Variants in NXN observed in about 807,000 individuals in gnomAD.
NXN encodes nucleoredoxin 1.
Under a neutral mutation model 48.6 loss-of-function variants are expected in NXN, and 16 were observed. That is an observed-to-expected ratio of 0.33 (90% CI 0.22 to 0.50). The LOEUF (loss-of-function observed/expected upper bound fraction) is 0.50. NXN is among the 20% of genes least tolerant of loss of function. The pLI, the probability that NXN is intolerant of heterozygous loss-of-function variation, is 0.98. For synonymous variants in NXN, 281 were observed against 269.6 expected, an observed-to-expected ratio of 1.04 and a Z score of -0.41; for missense variants, 492 against 605.5, an observed-to-expected ratio of 0.81 and a Z score of 1.97.
chr17:928,497 C>A (rs547538467), intron 1 of NXN, among the ~76,000 whole-genome samples: 1 of 152,148 alleles, frequency 6.6e-6, no homozygotes, highest in East Asian at 1.9e-4. Flanking sequence ...TAAAAAGATC[C>A]ATTCTGGCTG....
intron 1 of NXN, among the ~76,000 whole-genome samples, chr17:884,033 A>G (rs2144844675): frequency 6.6e-6 from 1 of 152,218 alleles, no homozygotes; most frequent in East Asian, 1.9e-4. Context: ...CCTGGCTAAC[A>G]TGGTGAAACC....
At chr17:909,629 C>T (rs192521877) in intron 1 of NXN, 1 of 151,250 alleles carries the variant, frequency 6.6e-6, no homozygotes, top group African/African-American at 2.4e-5. Context: ...ACCTCTGCCT[C>T]CCGGGTTCAC....
chr17:965,926 C>G (rs979430884), intron 1 of NXN, among the ~76,000 whole-genome samples: 1 of 152,084 alleles, frequency 6.6e-6, no homozygotes, highest in East Asian at 1.9e-4. Flanking sequence ...ACCAGCCTGA[C>G]CAACATGGTG....
chr17:865,009 G>T (rs992515578), intron 1 of NXN, among the ~76,000 whole-genome samples: 2 of 152,152 alleles, frequency 1.3e-5, no homozygotes, highest in South Asian at 4.1e-4. Context: ...CTAGAACCAC[G>T]CCTGGTTTAT....
In NXN at chr17:871,399, CTTTTT is replaced by C. The variant is rs11345310; in HGVS notation, c.361-45326_361-45322del. On this transcript the variant is annotated intron_variant, in intron 1 of 7. Coordinates refer to ENST00000336868, the MANE Select transcript of NXN (RefSeq NM_022463.5). ...TGATAAATCGCAGCATACGCATTCACTTTTTTTTTTTTTTTTTTTTTTTGAGATGG... is the reference window on the plus strand; with the variant it reads ...TGATAAATCGCAGCATACGCATTCACTTTTTTTTTTTTTTTTTTGAGATGG... Among the ~76,000 whole-genome samples the C allele has an allele frequency of 5.9e-5, 6 of 101,704 alleles. No individual in the cohort carries two copies. The South Asian group carries it at 1.0e-3, about 18-fold the overall frequency. The allele number at this position is 101,704 out of a possible 152,430, so 66.7% of individuals were successfully genotyped here. A position where few individuals can be genotyped will look rare whatever the true frequency, so the allele number is the denominator to read the frequency against.
At chr17:909,111 AAAAAAAAAAAAAAAAAC>A (rs1567858302) in intron 1 of NXN, among the ~76,000 whole-genome samples, 1 of 33,796 alleles carries the variant, frequency 3.0e-5, no homozygotes. Flanking sequence ...AAAAAAAAAA[AAAAAAAAAAAAAAAAAC>A]ACTCCCTGCC....
intron 1 of NXN, among the ~76,000 whole-genome samples, chr17:911,409 G>A (rs545611108): frequency 1.3e-4 from 19 of 142,152 alleles, no homozygotes; most frequent in Admixed American, 1.0e-3. Context: ...GCGCGATCTC[G>A]GCTTGCTGCA....
At chr17:864,579 G>GCTTT (rs2068078297) in intron 1 of NXN, among the ~76,000 whole-genome samples, 2 of 152,184 alleles carry the variant, frequency 1.3e-5, no homozygotes, top group Admixed American at 6.5e-5. Context: ...TGAGTGTGAG[G>GCTTT]CTTTGCAGGA....
rs193289833 is a variant in NXN, at chr17:844,286, G to A, written c.361-18208C>T. 1.1e-3 allele frequency among the ~76,000 whole-genome samples: 152 copies of A among 144,618 alleles called. 1 individual carries two copies. The highest frequency in any genetic ancestry group is 7.6e-4 in the Non-Finnish European group (51 of 67,268). 94.9% of individuals were successfully genotyped at this position (144,618 alleles called of 152,430 possible). A position where few individuals can be genotyped will look rare whatever the true frequency, so the allele number is the denominator to read the frequency against. On this transcript the variant is annotated intron_variant, in intron 1 of 7. Transcript: ENST00000336868. ...CACCCATCCTTAGCTGGAAGGTGGC[G>A]GCCAGGCCATCACACGTCCCGTCCT...
intron 6 of NXN, 132 bp downstream of exon 6, chr17:804,936 G>C: frequency 1.0e-6 from 1 of 967,730 alleles, no homozygotes; most frequent in Non-Finnish European, 1.6e-6. Context: ...CAAGGCTTCA[G>C]GGAGAGACAA....
intron 1 of NXN, among the ~76,000 whole-genome samples, chr17:858,416 G>A (rs939712857): frequency 6.6e-6 from 1 of 152,088 alleles, no homozygotes; most frequent in African/African-American, 2.4e-5. Context: ...GGTGATACTG[G>A]ACGGCTGAGC....
In NXN at chr17:833,336, G is replaced by A. The variant is rs1475519113; in HGVS notation, c.361-7258C>T. On this transcript the variant is annotated intron_variant, in intron 1 of 7. Transcript: ENST00000336868. Reference sequence around the variant, plus strand: ...GGCTCTGAAACAATGTGGTCTGCACGGGAGTCACCATTCCGAAAAACACAC... The same window carrying A: ...GGCTCTGAAACAATGTGGTCTGCACAGGAGTCACCATTCCGAAAAACACAC... Among the ~76,000 whole-genome samples the A allele has an allele frequency of 5.9e-5, 9 of 152,214 alleles. No homozygotes were observed. The East Asian group carries it at 1.2e-3, about 20-fold the overall frequency.
chr17:892,138 C>T (rs994383538), intron 1 of NXN, among the ~76,000 whole-genome samples: 1 of 151,200 alleles, frequency 6.6e-6, no homozygotes, highest in South Asian at 2.1e-4. Flanking sequence ...AAGCTAACCC[C>T]ACCATGCACA....
At chr17:860,554 C>G (rs1366294893) in intron 1 of NXN, among the ~76,000 whole-genome samples, 1 of 56,524 alleles carries the variant, frequency 1.8e-5, no homozygotes, top group African/African-American at 7.4e-5. Flanking sequence ...CCACCGCGCC[C>G]GGCTAATTTT....
intron 1 of NXN, among the ~76,000 whole-genome samples, chr17:828,288 G>T (rs1597637192): frequency 6.6e-6 from 1 of 151,640 alleles, no homozygotes; most frequent in South Asian, 2.1e-4. Flanking sequence ...ATTTTTAGTA[G>T]AGACGGGGTT....
intron 2 of NXN, among the ~76,000 whole-genome samples, chr17:824,458 G>A (rs111865759): frequency 3.7e-4 from 57 of 152,270 alleles, no homozygotes; most frequent in African/African-American, 1.2e-3. Flanking sequence ...CAGAACTGAC[G>A]AGGGACTCGG....
At chr17:805,024 G>A (rs183442140) in intron 6 of NXN, 44 bp downstream of exon 6, 36 of 1,380,686 alleles carry the variant, frequency 2.6e-5, no homozygotes, top group Non-Finnish European at 2.9e-5. Context: ...CTCCTGTCCC[G>A]CCCCCCAGCC....
At chr17:909,714 T>A (rs1345991778) in intron 1 of NXN, 1 of 151,374 alleles carries the variant, frequency 6.6e-6, no homozygotes, top group Admixed American at 6.6e-5. Context: ...TAATTTTTTT[T>A]ATTTTTAGTA....
chr17:868,207 A>AT, intron 1 of NXN, among the ~76,000 whole-genome samples: 1 of 152,030 alleles, frequency 6.6e-6, no homozygotes, highest in South Asian at 2.1e-4. Flanking sequence ...CACACATGGG[A>AT]TTCCCTCTAT....
Sources: gnomAD v4.1 joint callset for allele counts (sites outside exome capture counted in the v4.1 genomes callset) on GRCh38, gnomAD v4.1.1 for gene constraint, MANE v1.5 for transcripts, NCBI Gene and HGNC (gene_info 2026-07-23, HGNC 2026-07-21) for gene names.